Variants in SYT10 observed in about 807,000 individuals in gnomAD.
SYT10 encodes synaptotagmin-10.
SYT10 carries 31 observed loss-of-function variants against 51.1 expected under a neutral mutation model. The observed-to-expected ratio is 0.61, with a 90% confidence interval of 0.46 to 0.82. The LOEUF (loss-of-function observed/expected upper bound fraction) is 0.82. SYT10 is among the 40% of genes least tolerant of loss of function. The pLI, the probability that SYT10 is intolerant of heterozygous loss-of-function variation, is 0.00. For synonymous variants in SYT10, 233 were observed against 225.9 expected (o/e 1.03, Z -0.28); for missense variants, 603 against 634.0 (o/e 0.95, Z 0.53).
intron 1 of SYT10, among the ~76,000 whole-genome samples, chr12:33,433,505 A>G (rs1164344001): frequency 1.3e-5 from 2 of 152,174 alleles, no homozygotes; most frequent in African/African-American, 4.8e-5. Flanking sequence ...TATGAAAGGA[A>G]CTATATTTAG....
At position 33,402,092 on chromosome 12, in the gene SYT10, G is replaced by A. The variant is rs1437019602; in HGVS notation, c.1077+4697C>T. The stretch of plus-strand genomic sequence containing the variant: ...TCTGTGGTGTTAGATTCCTACCTGA[G>A]CACTACATTTCACAATCTCCCACTC... On this transcript the variant is annotated intron_variant, in intron 3 of 6. Coordinates refer to ENST00000228567, the MANE Select transcript of SYT10 (RefSeq NM_198992.4). Among the ~76,000 whole-genome samples, 7 of 152,216 alleles carry A rather than the reference G, an allele frequency of 4.6e-5. No homozygotes were observed. The East Asian group carries it at 1.2e-3, about 25-fold the overall frequency.
rs769167593 is a variant in SYT10, at chr12:33,407,007, C to T, written c.859G>A (p.Val287Met). Reference sequence around the variant, plus strand: ...AGAGGATTTAAAGTCTTTCTGTGCACGCGGGTCTGAAATTTCTTTTTCCTA... The same window carrying T: ...AGAGGATTTAAAGTCTTTCTGTGCATGCGGGTCTGAAATTTCTTTTTCCTA... ...PDRKKKFQTR[V>M]HRKTLNPLFD... is the part of the protein sequence containing the mutation. Residue 287 changes from valine (V) to methionine (M), a missense_variant, in exon 3 of 7, where the codon GTG becomes ATG. Val to Met is a conservative substitution (Grantham distance 21). Coordinates refer to ENST00000228567, the MANE Select transcript of SYT10 (RefSeq NM_198992.4). 1.5e-5 allele frequency: 25 copies of T among 1,613,944 alleles called. No homozygotes were observed. The highest frequency in any genetic ancestry group is 2.2e-5 in the South Asian group (2 of 91,070).
intron 2 of SYT10, among the ~76,000 whole-genome samples, chr12:33,415,553 GAAGAA>G (rs1204566359): frequency 3.9e-5 from 6 of 152,046 alleles, no homozygotes; most frequent in African/African-American, 1.2e-4. Flanking sequence ...AGAAATCACA[GAAGAA>G]AAGTAAAAAT....
intron 2 of SYT10, among the ~76,000 whole-genome samples, chr12:33,414,170 C>G (rs1023840428): frequency 1.3e-5 from 2 of 152,178 alleles, no homozygotes; most frequent in East Asian, 1.9e-4. Flanking sequence ...ACAGGAGCAC[C>G]CAGATTCATA....
At chr12:33,382,666 A>G in intron 4 of SYT10, 146 bp from the exon 5 acceptor site, 3 of 700,180 alleles carry the variant, frequency 4.3e-6, no homozygotes, top group Non-Finnish European at 4.1e-6. Context: ...TTTGTCTCCA[A>G]AAAAAAGAGT....
At chr12:33,387,419 CT>C (rs1473435302) in intron 3 of SYT10, among the ~76,000 whole-genome samples, 1 of 152,118 alleles carries the variant, frequency 6.6e-6, no homozygotes, top group Non-Finnish European at 1.5e-5. Context: ...GCATAAGGCA[CT>C]TTATACAGGG....
intron 3 of SYT10, among the ~76,000 whole-genome samples, chr12:33,389,869 C>A (rs1866188750): frequency 6.6e-6 from 1 of 152,094 alleles, no homozygotes; most frequent in African/African-American, 2.4e-5. Context: ...AAATACAGAC[C>A]CAGAGTGGGT....
In SYT10 at chr12:33,406,944, G is replaced by T; in HGVS notation, c.922C>A (p.Gln308Lys). The change falls in exon 3 of 7, where the codon CAA becomes AAA. Residue 308 changes from glutamine (Q) to lysine (K), a missense_variant. Transcript: ENST00000228567. The stretch of plus-strand genomic sequence containing the variant: ...AAATGTAGTTTTCGGTTGCTTAGTT[G>T]ATCATATGCTACAGGAAATTGAAAA... The part of the protein sequence containing the change: ...ETFQFPVAYD[Q>K]LSNRKLHFSV... The T allele has an allele frequency of 6.2e-7, 1 of 1,614,050 alleles. No homozygotes were observed.
At chr12:33,439,266 A>G (rs1206531165) in intron 1 of SYT10, 106 bp downstream of exon 1, 13 of 1,428,188 alleles carry the variant, frequency 9.1e-6, no homozygotes, top group Non-Finnish European at 1.2e-5. Context: ...TGGCGCCCCA[A>G]ATATGCCGCG....
intron 6 of SYT10, 53 bp downstream of exon 6, chr12:33,379,779 T>A: frequency 4.4e-6 from 7 of 1,599,198 alleles, no homozygotes; most frequent in Non-Finnish European, 6.0e-6. Context: ...ATAAATAATA[T>A]TTAAGCAAAA....
intron 2 of SYT10, among the ~76,000 whole-genome samples, chr12:33,422,211 G>C (rs1866511564): frequency 6.6e-6 from 1 of 152,080 alleles, no homozygotes; most frequent in East Asian, 1.9e-4. Flanking sequence ...TGGTAGCTTG[G>C]TATAATCATA....
intron 1 of SYT10, among the ~76,000 whole-genome samples, chr12:33,431,515 A>G (rs1298644571): frequency 1.3e-5 from 2 of 152,196 alleles, no homozygotes; most frequent in Non-Finnish European, 2.9e-5. Context: ...GAATTTCAAT[A>G]AATGATAACA....
At chr12:33,393,482 T>C (rs1271158771) in intron 3 of SYT10, among the ~76,000 whole-genome samples, 1 of 152,222 alleles carries the variant, frequency 6.6e-6, no homozygotes, top group Non-Finnish European at 1.5e-5. Context: ...CCTGTAAGTA[T>C]TGCTGTATAT....
chr12:33,405,404 C>T (rs1343837875), intron 3 of SYT10: 3 of 151,980 alleles, frequency 2.0e-5, no homozygotes, highest in Non-Finnish European at 4.4e-5. Flanking sequence ...GAAATATAAT[C>T]CCCTTTCAAA....
rs769705822 is a variant in SYT10 at position 33,382,533 on chromosome 12, A to G, written c.1199-13T>C. The G allele has an allele frequency of 6.4e-7, 1 of 1,571,168 alleles. No individual in the cohort carries two copies. Among genetic ancestry groups the G allele is most frequent in the Non-Finnish European group, 8.6e-7 (1 of 1,165,376 alleles). ...TTGACATAAGGATCTAGGAATAAGA[A>G]GATAACTTTATTAAAATAAAAGTAA... On this transcript the variant is annotated splice_polypyrimidine_tract_variant and intron_variant, in intron 4 of 6. Coordinates refer to ENST00000228567, the MANE Select transcript of SYT10 (RefSeq NM_198992.4).
intron 2 of SYT10, among the ~76,000 whole-genome samples, chr12:33,423,333 T>A (rs1259668656): frequency 1.3e-5 from 2 of 151,704 alleles, no homozygotes; most frequent in Non-Finnish European, 2.9e-5. Flanking sequence ...CATCTGTGTG[T>A]GTTATGTGTG....
At chr12:33,401,718 G>A (rs1332825904) in intron 3 of SYT10, among the ~76,000 whole-genome samples, 1 of 152,108 alleles carries the variant, frequency 6.6e-6, no homozygotes, top group East Asian at 1.9e-4. Flanking sequence ...GCATATCCTT[G>A]TTTATTTGTA....
chr12:33,403,089 G>C (rs1244864096), intron 3 of SYT10, among the ~76,000 whole-genome samples: 1 of 151,792 alleles, frequency 6.6e-6, no homozygotes, highest in Non-Finnish European at 1.5e-5. Flanking sequence ...TTGGAGATTT[G>C]CAATTATACA....
rs150432338 is a variant in SYT10, at chr12:33,426,481, G to A, written c.166C>T (p.Leu56=). 15 of 1,576,682 alleles carry A rather than the reference G, an allele frequency of 9.5e-6. No homozygotes were observed. The African/African-American group carries it at 1.6e-4, about 17-fold the overall frequency. ...CAAAAGCTGACAACGACAGCTAACA[G>A]GCTGACTGAAATATCTGGAAAAATT... is the stretch of plus-strand genomic sequence containing the variant. ...GGSSTDISVS[L]LAVVVSFCGL... Residue 56 remains leucine (L), a synonymous_variant, in exon 2 of 7, where the codon CTG becomes TTG. Transcript: ENST00000228567.
Sources: allele counts gnomAD v4.1 joint callset (sites outside exome capture counted in the v4.1 genomes callset), GRCh38; gene constraint gnomAD v4.1.1; transcripts MANE v1.5; gene names NCBI Gene and HGNC (gene_info 2026-07-23, HGNC 2026-07-21).